SDK2: variants seen among roughly 807,000 people sequenced by gnomAD.
SDK2 encodes the protein sidekick cell adhesion molecule 2.
Under a neutral mutation model 253.9 loss-of-function variants are expected in SDK2, and 105 were observed. The observed-to-expected ratio is 0.41, with a 90% CI of 0.35 to 0.49. The LOEUF (loss-of-function observed/expected upper bound fraction) is 0.49, where lower values mean the gene tolerates loss of function less well. Ranked by LOEUF, SDK2 falls within the 20% of genes least tolerant of loss-of-function variation. The probability of loss-of-function intolerance (pLI) is 0.06; values close to 1 mark genes in which losing one functional copy is unlikely to be tolerated. For missense variants in SDK2, 2,608 were observed against 3,003.0 expected, an observed-to-expected ratio of 0.87 and a Z score of 3.07; for synonymous variants, 1,249 against 1,234.9, an observed-to-expected ratio of 1.01 and a Z score of -0.24.
At chr17:73,530,841 T>C (rs931147118) in intron 1 of SDK2, among the ~76,000 whole-genome samples, 1 of 152,178 alleles carries the variant, frequency 6.6e-6, no homozygotes, top group Non-Finnish European at 1.5e-5. Flanking sequence ...CAGTAGAGCA[T>C]CTAGCTACAA....
At chr17:73,586,088 A>T (rs2045599273) in intron 1 of SDK2, among the ~76,000 whole-genome samples, 1 of 152,188 alleles carries the variant, frequency 6.6e-6, no homozygotes, top group Non-Finnish European at 1.5e-5. Flanking sequence ...ATGTTCTACC[A>T]GCCTCATGGG....
intron 1 of SDK2, among the ~76,000 whole-genome samples, chr17:73,571,717 G>A (rs1488730868): frequency 2.0e-5 from 3 of 152,200 alleles, no homozygotes; most frequent in Non-Finnish European, 2.9e-5. Context: ...ACCGTTTCCC[G>A]CCCGGCCTGC....
intron 40 of SDK2, among the ~76,000 whole-genome samples, chr17:73,355,174 A>ATATATATATATATATATATATTT: frequency 6.6e-4 from 31 of 47,198 alleles, no homozygotes; most frequent in Non-Finnish European, 1.0e-3. Context: ...ATATATATAT[A>ATATATATATATATATATATATTT]TTTTTTTTTT....
rs537635630 is a variant in SDK2, at chr17:73,488,076, C to T, written c.225-15858G>A. On this transcript the variant is annotated intron_variant, in intron 2 of 44. Transcript: ENST00000392650. ...TGTCGCCCAGGCTGGAGTGCAGTGG[C>T]GCGATCTCGGCTCACTGCAAGCTCT... Among the ~76,000 whole-genome samples the T allele has an allele frequency of 5.5e-4, 83 of 152,166 alleles. 1 individual carries two copies. Among genetic ancestry groups the T allele is most frequent in the Admixed American group, 4.7e-3 (72 of 15,284 alleles).
At chr17:73,554,106 T>A (rs2045107213) in intron 1 of SDK2, among the ~76,000 whole-genome samples, 1 of 152,124 alleles carries the variant, frequency 6.6e-6, no homozygotes, top group African/African-American at 2.4e-5. Flanking sequence ...CATCAACCCA[T>A]GGTCTCTGCC....
chr17:73,501,729 G>C (rs1240050062), intron 2 of SDK2, among the ~76,000 whole-genome samples: 1 of 152,228 alleles, frequency 6.6e-6, no homozygotes, highest in Non-Finnish European at 1.5e-5. Flanking sequence ...TATCAGATCT[G>C]TTCCAGGATC....
intron 1 of SDK2, among the ~76,000 whole-genome samples, chr17:73,638,284 G>A (rs2143298003): frequency 6.6e-6 from 1 of 152,270 alleles, no homozygotes; most frequent in South Asian, 2.1e-4. Context: ...CTGCCCTAGT[G>A]GCTAGAAATA....
intron 17 of SDK2, among the ~76,000 whole-genome samples, chr17:73,415,493 G>GTACCACC (rs970923988): frequency 2.6e-5 from 4 of 151,580 alleles, no homozygotes; most frequent in Non-Finnish European, 4.4e-5. Flanking sequence ...CCACAGGCAT[G>GTACCACC]TACCACCACA....
At position 73,447,712 on chromosome 17, in the gene SDK2, T is replaced by C. The variant is rs1338406287; in HGVS notation, c.516A>G (p.Ser172=). The C allele has an allele frequency of 6.4e-7, 1 of 1,551,718 alleles. No individual in the cohort carries two copies. Among genetic ancestry groups the C allele is most frequent in the Admixed American group, 2.0e-5 (1 of 51,008 alleles). ...ITLENTLVIL[S]TVAPDAGRYY... ...AGCGACCTGCGTCAGGGGCCACCGT[T>C]GACAGGATGACAAGGGTGTTCTCCA... is the stretch of plus-strand genomic sequence containing the variant. The change falls in exon 5 of 45, where the codon TCA becomes TCG. Residue 172 remains serine, a synonymous_variant. Transcript: ENST00000392650. This position sits in a 1 kb window ranked among gnomAD's most constrained non-coding sequence, Gnocchi z 4.0.
intron 3 of SDK2, among the ~76,000 whole-genome samples, chr17:73,460,853 A>C (rs2063558332): frequency 6.6e-6 from 1 of 152,264 alleles, no homozygotes; most frequent in South Asian, 2.1e-4. Context: ...TTATCTACTT[A>C]AAAAACTTTT....
In SDK2 at chr17:73,618,640, T is replaced by C. The variant is rs902571968; in HGVS notation, c.64+25385A>G. Among the ~76,000 whole-genome samples, 5 of 152,114 alleles carry C rather than the reference T, an allele frequency of 3.3e-5. No individual in the cohort carries two copies. Among genetic ancestry groups the C allele is most frequent in the Admixed American group, 2.6e-4 (4 of 15,268 alleles). ...GTCCACGTGGTGCCCAAGAACGGCATGGGGGAGTCAGGGAAGCAGAGGCCA... is the reference window on the plus strand; with the variant it reads ...GTCCACGTGGTGCCCAAGAACGGCACGGGGGAGTCAGGGAAGCAGAGGCCA... On this transcript the variant is annotated intron_variant, in intron 1 of 44. Coordinates refer to ENST00000392650, the MANE Select transcript of SDK2 (RefSeq NM_001144952.2). The surrounding 1 kb of genome is among the most constrained non-coding windows in gnomAD (Gnocchi z 4.1).
At chr17:73,412,263 CAT>C (rs1249305455) in intron 18 of SDK2, among the ~76,000 whole-genome samples, 54 of 147,116 alleles carry the variant, frequency 3.7e-4, no homozygotes, top group South Asian at 1.3e-3. Flanking sequence ...TATACATATA[CAT>C]ATATATATGT....
chr17:73,376,204 A>T (rs892538166), intron 36 of SDK2, among the ~76,000 whole-genome samples: 1 of 152,106 alleles, frequency 6.6e-6, no homozygotes, highest in Admixed American at 6.5e-5. Context: ...AAAAAAAAAA[A>T]AAAAATTCAA....
In SDK2 at chr17:73,361,545, T is replaced by G. The variant is rs1427317623; in HGVS notation, c.5467+139A>C. 4 of 805,620 alleles carry G rather than the reference T, an allele frequency of 5.0e-6. No homozygotes were observed. Among genetic ancestry groups the G allele is most frequent in the African/African-American group, 1.7e-5 (1 of 58,720 alleles). The allele number at this position is 805,620 out of a possible 1,614,324, so 49.9% of individuals were successfully genotyped here. A position where few individuals can be genotyped will look rare whatever the true frequency, so the allele number is the denominator to read the frequency against. On this transcript the variant is annotated intron_variant, in intron 39 of 44. Transcript: ENST00000392650. The surrounding 1 kb of genome is among the most constrained non-coding windows in gnomAD (Gnocchi z 4.1). Reference sequence around the variant, plus strand: ...AGGAGGGAGCGGGGGGAGGGGTCACTGGGCACCAGGGGAAAGAGTGAGCTC... The same window carrying G: ...AGGAGGGAGCGGGGGGAGGGGTCACGGGGCACCAGGGGAAAGAGTGAGCTC...
Position 73,335,546 on chromosome 17 carries a change from G to C in SDK2, c.*3041C>G, listed in dbSNP as rs2062371353. 3 of 152,266 alleles carry C rather than the reference G, an allele frequency of 2.0e-5. No individual in the cohort carries two copies. Among genetic ancestry groups the C allele is most frequent in the Admixed American group, 2.0e-4 (3 of 15,294 alleles). 9.4% of individuals were successfully genotyped at this position (152,266 alleles called of 1,614,324 possible). On this transcript the variant is annotated 3_prime_UTR_variant, in exon 45 of 45. Transcript: ENST00000392650. ...CAGTAGATATGTAAACAAGGGCAAA[G>C]AGACGTGTCCTGAAAAAATCTAGAG...
At chr17:73,400,664 T>C (rs532829953) in intron 21 of SDK2, among the ~76,000 whole-genome samples, 108 of 151,208 alleles carry the variant, frequency 7.1e-4, no homozygotes, top group South Asian at 1.3e-3. Context: ...CTTTTTATTT[T>C]TTTTTTTGAG....
chr17:73,438,570 G>A (rs1306259266), intron 6 of SDK2, among the ~76,000 whole-genome samples: 2 of 152,132 alleles, frequency 1.3e-5, no homozygotes, highest in East Asian at 3.9e-4. Context: ...TGAAGGTGAG[G>A]GCAAGTGACA....
chr17:73,359,278 C>T (rs939939548), intron 39 of SDK2, among the ~76,000 whole-genome samples: 5 of 152,054 alleles, frequency 3.3e-5, no homozygotes, highest in African/African-American at 1.2e-4. Flanking sequence ...CTTACACAGC[C>T]TGGCAACCCC....
intron 1 of SDK2, among the ~76,000 whole-genome samples, chr17:73,530,710 C>A (rs990074601): frequency 2.6e-5 from 4 of 152,214 alleles, no homozygotes; most frequent in Admixed American, 2.6e-4. Flanking sequence ...TCAATTACCC[C>A]TGGCATTCTC....
Sources: allele counts gnomAD v4.1 joint callset (sites outside exome capture counted in the v4.1 genomes callset), GRCh38; gene constraint gnomAD v4.1.1; non-coding constraint Gnocchi (gnomAD v3.1); transcripts MANE v1.5; gene names NCBI Gene and HGNC (gene_info 2026-07-23, HGNC 2026-07-21).